The following GRIA2 variants were observed in gnomAD, a reference collection of about 807,000 sequenced individuals.
GRIA2 encodes glutamate ionotropic receptor AMPA type subunit 2, also known as glutamate receptor 2.
A neutral mutation model predicts 97.3 loss-of-function variants in GRIA2; 14 were observed. The ratio of observed to expected loss-of-function variants is 0.14; its 90% CI spans 0.10 to 0.23. The LOEUF (loss-of-function observed/expected upper bound fraction) is 0.23. Ranked by LOEUF, GRIA2 falls within the 10% of genes least tolerant of loss-of-function variation. The probability of loss-of-function intolerance (pLI) is 1.00; values close to 1 mark genes in which losing one functional copy is unlikely to be tolerated. For synonymous variants in GRIA2, 412 were observed against 387.8 expected, an observed-to-expected ratio of 1.06 and a Z score of -0.73; for missense variants, 558 against 1,069.8, an observed-to-expected ratio of 0.52 and a Z score of 6.67.
chr4:157,220,906 A>G lies in GRIA2; in HGVS notation c.-137A>G. ...ATAGGGATTCTTCTGCCTCCACTTC[A>G]GGTTTTAGCAGCTTGGTGCTAAATT... is the stretch of plus-strand genomic sequence containing the variant. On this transcript the variant is annotated 5_prime_UTR_variant, in exon 1 of 16. Transcript: ENST00000264426. 1.5e-6 allele frequency: 1 copy of G among 646,770 alleles called. No individual in the cohort carries two copies. The highest frequency in any genetic ancestry group is 2.8e-6 in the Non-Finnish European group (1 of 356,758). 40.1% of individuals were successfully genotyped at this position (646,770 alleles called of 1,614,324 possible). A position where few individuals can be genotyped will look rare whatever the true frequency, so the allele number is the denominator to read the frequency against.
chr4:157,326,848 A>G (rs948473885), intron 6 of GRIA2, among the ~76,000 whole-genome samples: 1 of 152,160 alleles, frequency 6.6e-6, no homozygotes, highest in Non-Finnish European at 1.5e-5. Context: ...ACAGGGAACT[A>G]CAAGAGGAGA....
chr4:157,330,343 A>C (rs1032617511), intron 6 of GRIA2, among the ~76,000 whole-genome samples: 5 of 151,938 alleles, frequency 3.3e-5, no homozygotes, highest in Non-Finnish European at 7.4e-5. Context: ...CATTCATGGG[A>C]AATATCGTCA....
In GRIA2 at chr4:157,238,518, C is replaced by CT. The variant is rs1278857636; in HGVS notation, c.229+16716dup. Among the ~76,000 whole-genome samples the CT allele has an allele frequency of 4.6e-5, 7 of 152,110 alleles. No individual in the cohort carries two copies. In the East Asian group the frequency reaches 1.2e-3, roughly 25 times the overall value. ...GTATCTTTGATAGAAGAAAATTTGC[C>CT]TTTTTGAAAGAAATAAATCTACATG... is the stretch of plus-strand genomic sequence containing the variant. On this transcript the variant is annotated intron_variant, in intron 2 of 15. Coordinates refer to ENST00000264426, the MANE Select transcript of GRIA2 (RefSeq NM_001083619.3).
chr4:157,345,930 A>C (rs1735745687), intron 12 of GRIA2, among the ~76,000 whole-genome samples: 1 of 152,176 alleles, frequency 6.6e-6, no homozygotes, highest in Non-Finnish European at 1.5e-5. Flanking sequence ...TCTGATAATA[A>C]ACCATGAGAC....
chr4:157,317,704 C>CA lies in GRIA2; in HGVS notation c.716dup (p.Asn239LysfsTer6). 1 of 1,229,918 alleles carries CA rather than the reference C, an allele frequency of 8.1e-7. No homozygotes were observed. Among genetic ancestry groups the CA allele is most frequent in the Non-Finnish European group, 1.2e-6 (1 of 836,646 alleles). 76.2% of individuals were successfully genotyped at this position (1,229,918 alleles called of 1,614,324 possible). On this transcript the variant is annotated frameshift_variant, in exon 5 of 16. Coordinates refer to ENST00000264426, the MANE Select transcript of GRIA2 (RefSeq NM_001083619.3). LOFTEE classifies it high-confidence loss of function. ...GTTAAAGGGTACCACTACATCATTG[C>CA]AAATCTGGTAGGTGAATTAATTGGT...
In GRIA2 at chr4:157,221,850, A is replaced by G. The variant is rs200344530; in HGVS notation, c.229+43A>G. The G allele has an allele frequency of 2.2e-3, 3,501 of 1,589,864 alleles. 7 individuals carry two copies. Among genetic ancestry groups the G allele is most frequent in the Non-Finnish European group, 2.8e-3 (3,273 of 1,159,356 alleles). ...ATGCCTTTCGGGTGCTGCACGCGGA[A>G]GGCCAGCGAGTGTGAGTGTGTGTGT... On this transcript the variant is annotated intron_variant, in intron 2 of 15. Transcript: ENST00000264426.
rs1218896553 is a variant in GRIA2 at position 157,363,102 on chromosome 4, C to T, written c.*3+55C>T. The T allele has an allele frequency of 1.1e-5, 17 of 1,514,134 alleles. No homozygotes were observed. In the Admixed American group the frequency reaches 1.8e-4, roughly 16 times the overall value. 93.8% of individuals were successfully genotyped at this position (1,514,134 alleles called of 1,614,324 possible). On this transcript the variant is annotated intron_variant, in intron 15 of 15. Transcript: ENST00000264426. ...TAGTGCACGTTTAGCTTTCTTGTTG[C>T]GTCCTTAAGCTCTTTTAAATAAGGA...
In GRIA2 at chr4:157,250,380, G is replaced by T. The variant is rs907623798; in HGVS notation, c.229+28573G>T. 2.4e-4 allele frequency among the ~76,000 whole-genome samples: 37 copies of T among 152,042 alleles called. 1 individual carries two copies. The highest frequency in any genetic ancestry group is 5.4e-4 in the Non-Finnish European group (37 of 67,976). The stretch of plus-strand genomic sequence containing the variant: ...GGCTGTTTTCTATCTTATCATTGAG[G>T]CACAGGGAGGTTATAATTATGGCAT... On this transcript the variant is annotated intron_variant, in intron 2 of 15. Coordinates refer to ENST00000264426, the MANE Select transcript of GRIA2 (RefSeq NM_001083619.3).
intron 2 of GRIA2, among the ~76,000 whole-genome samples, chr4:157,229,213 A>T (rs528834943): frequency 6.6e-6 from 1 of 151,574 alleles, no homozygotes; most frequent in Non-Finnish European, 1.5e-5. Flanking sequence ...GCGTATCCTT[A>T]TTTTTTCTTT....
rs576888557 is a variant in GRIA2 at position 157,251,598 on chromosome 4, G to A, written c.229+29791G>A. ...TTCTTGGTAGTGACGGCTTGCTGAT[G>A]TTCACTATTAATGTTGACAGTATGA... On this transcript the variant is annotated intron_variant, in intron 2 of 15. Coordinates refer to ENST00000264426, the MANE Select transcript of GRIA2 (RefSeq NM_001083619.3). Among the ~76,000 whole-genome samples, 4 of 151,956 alleles carry A rather than the reference G, an allele frequency of 2.6e-5. No homozygotes were observed. In the South Asian group the frequency reaches 6.2e-4, roughly 24 times the overall value.
chr4:157,259,014 G>A (rs1731408231), intron 2 of GRIA2, among the ~76,000 whole-genome samples: 1 of 151,990 alleles, frequency 6.6e-6, no homozygotes, highest in Non-Finnish European at 1.5e-5. Flanking sequence ...TTGAGTCCAG[G>A]AGTTCGAGAC....
At chr4:157,286,768 T>C (rs1237136646) in intron 2 of GRIA2, among the ~76,000 whole-genome samples, 1 of 151,600 alleles carries the variant, frequency 6.6e-6, no homozygotes, top group East Asian at 1.9e-4. Context: ...ATTTATTTTC[T>C]CCTTATTTTG....
chr4:157,329,202 A>G (rs1579368121), intron 6 of GRIA2, among the ~76,000 whole-genome samples: 1 of 152,012 alleles, frequency 6.6e-6, no homozygotes, highest in East Asian at 1.9e-4. Context: ...AAACTTTCTT[A>G]AAATTTTTCT....
At chr4:157,250,463 TAGTC>T (rs1223930466) in intron 2 of GRIA2, among the ~76,000 whole-genome samples, 1 of 152,086 alleles carries the variant, frequency 6.6e-6, no homozygotes, top group Admixed American at 6.6e-5. Flanking sequence ...GAAGTTATAA[TAGTC>T]GGTCCTTTTT....
At chr4:157,224,347 G>C (rs941066815) in intron 2 of GRIA2, among the ~76,000 whole-genome samples, 6 of 152,126 alleles carry the variant, frequency 3.9e-5, no homozygotes, top group African/African-American at 1.4e-4. Flanking sequence ...TAATCTTACT[G>C]TTTGCTAAAA....
At chr4:157,322,533 G>C (rs761196832) in intron 6 of GRIA2, among the ~76,000 whole-genome samples, 1 of 152,090 alleles carries the variant, frequency 6.6e-6, no homozygotes, top group Non-Finnish European at 1.5e-5. Context: ...ATACACATGC[G>C]TGCATGAATT....
At chr4:157,294,301 C>T (rs1579339293) in intron 2 of GRIA2, among the ~76,000 whole-genome samples, 1 of 150,936 alleles carries the variant, frequency 6.6e-6, no homozygotes, top group Admixed American at 6.6e-5. Flanking sequence ...ATCATAGACT[C>T]TAAAATGATT....
intron 6 of GRIA2, among the ~76,000 whole-genome samples, chr4:157,330,609 T>C (rs899899757): frequency 1.3e-5 from 2 of 152,000 alleles, no homozygotes; most frequent in African/African-American, 4.8e-5. Context: ...TATTATTGAT[T>C]GGTTTGGCTG....
At chr4:157,225,086 G>A (rs1231468508) in intron 2 of GRIA2, among the ~76,000 whole-genome samples, 1 of 152,098 alleles carries the variant, frequency 6.6e-6, no homozygotes, top group Non-Finnish European at 1.5e-5. Flanking sequence ...ATTTGGAAAT[G>A]TTGAAGTGGA....
Sources: allele counts gnomAD v4.1 joint callset (sites outside exome capture counted in the v4.1 genomes callset), GRCh38; gene constraint gnomAD v4.1.1; transcripts MANE v1.5; gene names NCBI Gene and HGNC (gene_info 2026-07-23, HGNC 2026-07-21).